The following MDGA2 variants were observed in gnomAD, a reference collection of about 807,000 sequenced individuals.
MDGA2 encodes the protein MAM domain containing glycosylphosphatidylinositol anchor 2, also known as MAM domain-containing glycosylphosphatidylinositol anchor protein 2.
Under a neutral mutation model 117.8 loss-of-function variants are expected in MDGA2, and 40 were observed. The observed-to-expected ratio is 0.34, with a 90% CI of 0.26 to 0.44. The LOEUF (loss-of-function observed/expected upper bound fraction) is 0.44, where lower values mean the gene tolerates loss of function less well. Among genes scored for constraint, MDGA2 ranks in the 20% least tolerant of loss-of-function variants. The pLI, the probability that MDGA2 is intolerant of heterozygous loss-of-function variation, is 1.00. For missense variants in MDGA2, 1,123 were observed against 1,250.6 expected (o/e 0.90, Z 1.54); for synonymous variants, 452 against 439.0 (o/e 1.03, Z -0.37).
intron 8 of MDGA2, among the ~76,000 whole-genome samples, chr14:47,031,201 A>G (rs1326217786): frequency 1.3e-5 from 2 of 148,190 alleles, no homozygotes; most frequent in Non-Finnish European, 3.0e-5. Context: ...CATTATTTAC[A>G]TTATTTAGAA....
chr14:47,177,455 G>A (rs1419895106), intron 3 of MDGA2, among the ~76,000 whole-genome samples: 2 of 152,282 alleles, frequency 1.3e-5, no homozygotes, highest in East Asian at 3.9e-4. Flanking sequence ...TAGACACCAT[G>A]GAATACTATG....
intron 1 of MDGA2, among the ~76,000 whole-genome samples, chr14:47,604,594 G>A (rs1896709222): frequency 6.8e-6 from 1 of 146,502 alleles, no homozygotes; most frequent in South Asian, 2.1e-4. Context: ...CCTCCCAAAA[G>A]TGCTAGGATT....
chr14:47,161,927 C>CTTTTTTTTTTTTTTTTTTTTTTTT (rs71112489), intron 3 of MDGA2, among the ~76,000 whole-genome samples: 1 of 52,510 alleles, frequency 1.9e-5, no homozygotes, highest in Non-Finnish European at 3.5e-5. Flanking sequence ...TCCCCAGATC[C>CTTTTTTTTTTTTTTTTTTTTTTTT]TTTTTTTTTT....
chr14:47,512,896 C>T (rs529730836), intron 1 of MDGA2, among the ~76,000 whole-genome samples: 1 of 147,262 alleles, frequency 6.8e-6, no homozygotes, highest in Admixed American at 6.6e-5. Context: ...AACTCTGCTG[C>T]GTTTATACAC....
chr14:46,878,015 C>A (rs1454728348), intron 11 of MDGA2, among the ~76,000 whole-genome samples: 1 of 152,006 alleles, frequency 6.6e-6, no homozygotes, highest in East Asian at 1.9e-4. Flanking sequence ...AATATGTGTA[C>A]TAAAATGAAT....
At chr14:47,115,033 T>TA (rs1881250554) in intron 5 of MDGA2, among the ~76,000 whole-genome samples, 1 of 151,134 alleles carries the variant, frequency 6.6e-6, no homozygotes, top group African/African-American at 2.4e-5. Flanking sequence ...TTTTACGGTA[T>TA]AATGTAAAAC....
chr14:47,179,119 A>T (rs1475295549), intron 3 of MDGA2, among the ~76,000 whole-genome samples: 1 of 152,118 alleles, frequency 6.6e-6, no homozygotes, highest in African/African-American at 2.4e-5. Context: ...TTAGAAGACA[A>T]ACAACTGACT....
intron 8 of MDGA2, among the ~76,000 whole-genome samples, chr14:47,024,377 T>A (rs1888398724): frequency 6.6e-6 from 1 of 152,206 alleles, no homozygotes; most frequent in Non-Finnish European, 1.5e-5. Flanking sequence ...GATAAACTGT[T>A]GAAACTGATG....
intron 1 of MDGA2, among the ~76,000 whole-genome samples, chr14:47,574,657 AATAG>A (rs1896083253): frequency 6.6e-6 from 1 of 152,178 alleles, no homozygotes; most frequent in Admixed American, 6.6e-5. Flanking sequence ...TAATAAAAAT[AATAG>A]ATAAAATTTA....
At chr14:47,647,207 T>G (rs913303339) in intron 1 of MDGA2, among the ~76,000 whole-genome samples, 2 of 152,142 alleles carry the variant, frequency 1.3e-5, no homozygotes, top group Non-Finnish European at 2.9e-5. Flanking sequence ...TCAAGCATAT[T>G]TTAGGTCTGC....
intron 1 of MDGA2, among the ~76,000 whole-genome samples, chr14:47,652,768 C>T (rs1361455727): frequency 6.6e-6 from 1 of 152,094 alleles, no homozygotes; most frequent in Non-Finnish European, 1.5e-5. Flanking sequence ...CCCCTCCCCC[C>T]AGGCACACAC....
At chr14:47,327,965 C>T (rs1415677934) in intron 1 of MDGA2, among the ~76,000 whole-genome samples, 1 of 151,996 alleles carries the variant, frequency 6.6e-6, no homozygotes, top group Admixed American at 6.6e-5. Flanking sequence ...GTTTTCCTGC[C>T]TACAATTGCT....
At chr14:46,967,268 G>C (rs1886073532) in intron 8 of MDGA2, among the ~76,000 whole-genome samples, 1 of 152,178 alleles carries the variant, frequency 6.6e-6, no homozygotes, top group South Asian at 2.1e-4. Flanking sequence ...TTAACCATTG[G>C]AGGAGCACTG....
At chr14:47,492,351 CTG>C (rs1295345196) in intron 1 of MDGA2, among the ~76,000 whole-genome samples, 12 of 152,158 alleles carry the variant, frequency 7.9e-5, no homozygotes, top group African/African-American at 2.9e-4. Context: ...ATTTAAGTCT[CTG>C]TTTAAGTACA....
intron 1 of MDGA2, among the ~76,000 whole-genome samples, chr14:47,617,308 C>T (rs780813873): frequency 2.6e-5 from 4 of 151,832 alleles, no homozygotes; most frequent in Admixed American, 6.6e-5. Context: ...CAGGTTCAAG[C>T]GATTCTCTGC....
At chr14:47,200,287 T>C (rs1159786970) in intron 3 of MDGA2, among the ~76,000 whole-genome samples, 2 of 152,068 alleles carry the variant, frequency 1.3e-5, no homozygotes, top group South Asian at 4.1e-4. Flanking sequence ...TTTGCTGAAG[T>C]AAAATGTAAT....
chr14:47,164,954 A>G (rs1883803302), intron 3 of MDGA2, among the ~76,000 whole-genome samples: 1 of 152,182 alleles, frequency 6.6e-6, no homozygotes, highest in African/African-American at 2.4e-5. Context: ...CTTTGTAGGG[A>G]CTTGGATGAA....
intron 15 of MDGA2, among the ~76,000 whole-genome samples, chr14:46,848,390 G>T (rs986725998): frequency 4.0e-5 from 6 of 151,874 alleles, no homozygotes; most frequent in Non-Finnish European, 8.8e-5. Flanking sequence ...AAAATGGTGA[G>T]ATTTCTTTAA....
chr14:46,912,999 T>G (rs1251771880), intron 10 of MDGA2, among the ~76,000 whole-genome samples: 1 of 152,146 alleles, frequency 6.6e-6, no homozygotes, highest in Non-Finnish European at 1.5e-5. Context: ...TTCTCTACAT[T>G]TCTCTGAGTC....
Sources: allele counts gnomAD v4.1 joint callset (sites outside exome capture counted in the v4.1 genomes callset), GRCh38; gene constraint gnomAD v4.1.1; transcripts MANE v1.5; gene names NCBI Gene and HGNC (gene_info 2026-07-23, HGNC 2026-07-21).